The following KCNIP4 variants were observed in gnomAD, a reference collection of about 807,000 sequenced individuals.
KCNIP4 encodes the protein Kv channel-interacting protein 4.
A neutral mutation model predicts 34.0 loss-of-function variants in KCNIP4; 12 were observed. The observed-to-expected ratio is 0.35, with a 90% CI of 0.23 to 0.57. KCNIP4 has a LOEUF of 0.57. Among genes scored for constraint, KCNIP4 ranks in the 20% least tolerant of loss-of-function variants. KCNIP4 has a pLI of 0.83. For missense variants in KCNIP4, 238 were observed against 311.7 expected, an observed-to-expected ratio of 0.76 and a Z score of 1.78; for synonymous variants, 124 against 102.2, an observed-to-expected ratio of 1.21 and a Z score of -1.29.
intron 1 of KCNIP4, among the ~76,000 whole-genome samples, chr4:21,029,848 C>G (rs1430279519): frequency 1.3e-5 from 2 of 152,168 alleles, no homozygotes; most frequent in African/African-American, 4.8e-5. Flanking sequence ...AAAATAATGA[C>G]TCTTTCCATT....
intron 3 of KCNIP4, among the ~76,000 whole-genome samples, chr4:20,838,443 A>G (rs1174329925): frequency 6.6e-6 from 1 of 152,184 alleles, no homozygotes; most frequent in African/African-American, 2.4e-5. Flanking sequence ...TTGTTCCCCT[A>G]AATCCAACTT....
At chr4:20,846,894 A>C (rs1254797010) in intron 3 of KCNIP4, among the ~76,000 whole-genome samples, 6 of 152,230 alleles carry the variant, frequency 3.9e-5, no homozygotes, top group Admixed American at 3.3e-4. Flanking sequence ...TTCCCAGAGC[A>C]ATTACATCAG....
At chr4:21,446,693 A>G (rs1206553924) in intron 1 of KCNIP4, among the ~76,000 whole-genome samples, 1 of 151,892 alleles carries the variant, frequency 6.6e-6, no homozygotes, top group African/African-American at 2.4e-5. Flanking sequence ...CAGCACACCA[A>G]CATGGCACAT....
At chr4:20,854,446 C>T (rs142564310) in intron 2 of KCNIP4, among the ~76,000 whole-genome samples, 74 of 152,180 alleles carry the variant, frequency 4.9e-4, no homozygotes, top group African/African-American at 1.7e-3. Flanking sequence ...GCTATGAGAA[C>T]GCAAAGGCAT....
intron 1 of KCNIP4, among the ~76,000 whole-genome samples, chr4:21,494,925 G>C (rs1040966469): frequency 6.6e-6 from 1 of 151,942 alleles, no homozygotes; most frequent in East Asian, 1.9e-4. Context: ...TATCCCAGTG[G>C]AATATAGTTG....
intron 1 of KCNIP4, among the ~76,000 whole-genome samples, chr4:21,767,288 T>C (rs1718485890): frequency 6.6e-6 from 1 of 151,990 alleles, no homozygotes; most frequent in East Asian, 1.9e-4. Context: ...GGGAGACTTA[T>C]TGCAAGAATG....
intron 1 of KCNIP4, among the ~76,000 whole-genome samples, chr4:21,757,065 C>A (rs1410860331): frequency 1.3e-5 from 2 of 148,188 alleles, no homozygotes; most frequent in Non-Finnish European, 3.0e-5. Flanking sequence ...CCAGCCACTG[C>A]ACTCCAGCCT....
chr4:21,377,590 A>T (rs965744627), intron 1 of KCNIP4, among the ~76,000 whole-genome samples: 10 of 152,208 alleles, frequency 6.6e-5, no homozygotes, highest in African/African-American at 2.4e-4. Flanking sequence ...CTCAAAACTC[A>T]AATGGTATAG....
chr4:21,768,966 A>C (rs981652704), intron 1 of KCNIP4, among the ~76,000 whole-genome samples: 1 of 151,972 alleles, frequency 6.6e-6, no homozygotes, highest in Non-Finnish European at 1.5e-5. Context: ...TATTTGTTTG[A>C]TGTAGCAATA....
At chr4:21,276,618 T>TA (rs1331041403) in intron 1 of KCNIP4, among the ~76,000 whole-genome samples, 6 of 152,152 alleles carry the variant, frequency 3.9e-5, no homozygotes, top group Admixed American at 3.3e-4. Context: ...GTGTCTTACC[T>TA]ATTTTGTTTC....
chr4:21,526,103 CAT>C (rs1213381930), intron 1 of KCNIP4, among the ~76,000 whole-genome samples: 1 of 152,072 alleles, frequency 6.6e-6, no homozygotes, highest in Admixed American at 6.6e-5. Context: ...TGTAGACAAA[CAT>C]ATGAATAAGC....
intron 1 of KCNIP4, among the ~76,000 whole-genome samples, chr4:21,328,356 G>C (rs1280085472): frequency 6.6e-6 from 1 of 152,132 alleles, no homozygotes; most frequent in Non-Finnish European, 1.5e-5. Flanking sequence ...ATAATTTCTG[G>C]AAGAATTCTC....
intron 1 of KCNIP4, among the ~76,000 whole-genome samples, chr4:21,638,370 T>C (rs961248269): frequency 2.6e-5 from 4 of 152,212 alleles, no homozygotes; most frequent in African/African-American, 9.6e-5. Context: ...AAAGATTTTT[T>C]TTCTCTGGCT....
At chr4:21,429,681 G>A (rs566108376) in intron 1 of KCNIP4, among the ~76,000 whole-genome samples, 6 of 152,240 alleles carry the variant, frequency 3.9e-5, no homozygotes, top group African/African-American at 9.6e-5. Context: ...AGTGATGTGT[G>A]TAATAGTGTC....
At chr4:21,575,712 G>A (rs138435043) in intron 1 of KCNIP4, among the ~76,000 whole-genome samples, 94 of 152,156 alleles carry the variant, frequency 6.2e-4, no homozygotes, top group Non-Finnish European at 1.1e-3. Flanking sequence ...TGCAATCTTC[G>A]TGTGATAGTT....
chr4:21,602,965 A>T (rs1449887412), intron 1 of KCNIP4, among the ~76,000 whole-genome samples: 1 of 152,198 alleles, frequency 6.6e-6, no homozygotes. Flanking sequence ...ATTCCTATAA[A>T]TGTTAAGTAT....
chr4:21,718,921 A>G (rs1234638490), intron 1 of KCNIP4: 1 of 152,212 alleles, frequency 6.6e-6, no homozygotes, highest in African/African-American at 2.4e-5. Context: ...AAATGTCAAC[A>G]ATTGCATTTT....
intron 1 of KCNIP4, among the ~76,000 whole-genome samples, chr4:21,098,030 T>C (rs61277470): frequency 0.16 from 24,581 of 152,084 alleles, 2,132 homozygotes; most frequent in African/African-American, 0.23. Flanking sequence ...ATTGCTGATA[T>C]AAAGGAAGTT....
chr4:21,491,356 A>G (rs1732380216), intron 1 of KCNIP4, among the ~76,000 whole-genome samples: 1 of 152,028 alleles, frequency 6.6e-6, no homozygotes, highest in Non-Finnish European at 1.5e-5. Context: ...GATGAAAGAG[A>G]ACTGGGTCTC....
Sources: allele counts gnomAD v4.1 joint callset (sites outside exome capture counted in the v4.1 genomes callset), GRCh38; gene constraint gnomAD v4.1.1; transcripts MANE v1.5; gene names NCBI Gene and HGNC (gene_info 2026-07-23, HGNC 2026-07-21).